The following CUL2 variants were observed in gnomAD, a reference collection of about 807,000 sequenced individuals.
CUL2 encodes cullin-2.
A neutral mutation model predicts 110.2 loss-of-function variants in CUL2; 22 were observed. The observed-to-expected ratio is 0.20, with a 90% CI of 0.14 to 0.28. The LOEUF is 0.28. CUL2 is among the 10% of genes least tolerant of loss of function. CUL2 has a pLI of 1.00. For missense variants in CUL2, 631 were observed against 905.5 expected (o/e 0.70, Z 3.89); for synonymous variants, 279 against 293.2 (o/e 0.95, Z 0.49).
At chr10:35,122,391 G>T (rs1020339226) in intron 1 of CUL2, among the ~76,000 whole-genome samples, 1 of 152,170 alleles carries the variant, frequency 6.6e-6, no homozygotes, top group African/African-American at 2.4e-5. Flanking sequence ...GCCAAAGGAC[G>T]TTTTGAAACC....
At chr10:35,038,207 A>G (rs2085677944) in intron 9 of CUL2, among the ~76,000 whole-genome samples, 1 of 151,138 alleles carries the variant, frequency 6.6e-6, no homozygotes, top group African/African-American at 2.4e-5. Context: ...TGCCTATAAA[A>G]GTAATGCATG....
intron 17 of CUL2, among the ~76,000 whole-genome samples, chr10:35,020,553 C>A (rs2085156616): frequency 6.6e-6 from 1 of 152,186 alleles, no homozygotes; most frequent in Non-Finnish European, 1.5e-5. Context: ...GTAGGGTTCA[C>A]AAAATTCTAG....
rs572275724 is a variant in CUL2, at chr10:35,028,819, A to G, written c.1608T>C (p.Ser536=). ...TTTCCTGCAAACTTACCATCTGTACACTTTTTTCTAATTCCTGGGGAATTG... is the reference window on the plus strand; with the variant it reads ...TTTCCTGCAAACTTACCATCTGTACGCTTTTTTCTAATTCCTGGGGAATTG... ...TFAIPQELEK[S]VQMFELFYSQ... The change falls in exon 16 of 21, where the codon AGT becomes AGC. Residue 536 remains serine, a synonymous_variant. Transcript: ENST00000374749. 5 of 1,608,938 alleles carry G rather than the reference A, an allele frequency of 3.1e-6. No individual in the cohort carries two copies. The highest frequency in any genetic ancestry group is 2.2e-5 in the South Asian group (2 of 90,728).
In CUL2 at chr10:35,098,797, G is replaced by A. The variant is rs113468459; in HGVS notation, c.167+2047C>T. Among the ~76,000 whole-genome samples, 587 of 152,224 alleles carry A rather than the reference G, an allele frequency of 3.9e-3. 6 individuals are homozygous for A. The highest frequency in any genetic ancestry group is 0.013 in the African/African-American group (539 of 41,536). On this transcript the variant is annotated intron_variant, in intron 2 of 5. Transcript: ENST00000685421. ...AAAAACCAAAAAATTAGCTGGGCACGGTGGCAGGCGCCTGTAATCCCAGTT... is the reference window on the plus strand; with the variant it reads ...AAAAACCAAAAAATTAGCTGGGCACAGTGGCAGGCGCCTGTAATCCCAGTT...
chr10:35,077,836 G>T (rs2086858756), intron 1 of CUL2, among the ~76,000 whole-genome samples: 2 of 149,464 alleles, frequency 1.3e-5, no homozygotes, highest in South Asian at 2.1e-4. Flanking sequence ...AAAAAGAAAA[G>T]AAATAAAAAT....
At chr10:35,087,540 C>T (rs959409243) in intron 1 of CUL2, among the ~76,000 whole-genome samples, 6 of 152,214 alleles carry the variant, frequency 3.9e-5, no homozygotes, top group South Asian at 2.1e-4. Flanking sequence ...ACTTGAACAA[C>T]GAAATCCAAC....
chr10:35,094,118 A>G (rs2087257158), upstream of CUL2, among the ~76,000 whole-genome samples: 1 of 152,202 alleles, frequency 6.6e-6, no homozygotes, highest in Admixed American at 6.6e-5. Flanking sequence ...ACCATGAGCC[A>G]ATTAAACCTC....
Position 35,056,562 on chromosome 10 carries a change from T to C in CUL2, c.318-2023A>G, listed in dbSNP as rs1256342685. On this transcript the variant is annotated intron_variant, in intron 4 of 20. Coordinates refer to ENST00000374749, the MANE Select transcript of CUL2 (RefSeq NM_003591.4). Reference sequence around the variant, plus strand: ...CTCAGGAGAGGTCTTCCACTCCCATTCAACATCGGCTGAGGGTATATCGTG... The same window carrying C: ...CTCAGGAGAGGTCTTCCACTCCCATCCAACATCGGCTGAGGGTATATCGTG... Among the ~76,000 whole-genome samples, 3 of 151,904 alleles carry C rather than the reference T, an allele frequency of 2.0e-5. No homozygotes were observed. In the East Asian group the frequency reaches 5.8e-4, roughly 29 times the overall value.
intron 6 of CUL2, among the ~76,000 whole-genome samples, chr10:35,049,107 A>T (rs2086024513): frequency 6.6e-6 from 1 of 152,220 alleles, no homozygotes; most frequent in African/African-American, 2.4e-5. Flanking sequence ...TAATCCAAGG[A>T]TGTTCTATTC....
At chr10:35,040,579 CTG>C (rs1195254551) in intron 8 of CUL2, among the ~76,000 whole-genome samples, 3 of 152,164 alleles carry the variant, frequency 2.0e-5, no homozygotes, top group Admixed American at 6.5e-5. Flanking sequence ...TCCCACAGTC[CTG>C]TCTTTCCTAT....
chr10:35,044,708 A>C (rs2085890039), intron 7 of CUL2, 32 bp from the exon 8 acceptor site: 1 of 1,586,330 alleles, frequency 6.3e-7, no homozygotes, highest in Non-Finnish European at 8.6e-7. Flanking sequence ...TATTAGAAGA[A>C]ATTAGAACAA....
intron 3 of CUL2, among the ~76,000 whole-genome samples, chr10:35,061,787 T>G (rs932142526): frequency 6.6e-5 from 10 of 150,470 alleles, no homozygotes; most frequent in Non-Finnish European, 1.0e-4. Context: ...TTTTTTTTTT[T>G]GGTACAGGTA....
intron 1 of CUL2, among the ~76,000 whole-genome samples, chr10:35,086,486 CA>C (rs1285464375): frequency 6.6e-6 from 1 of 151,952 alleles, no homozygotes; most frequent in Non-Finnish European, 1.5e-5. Context: ...CAGGGTTCGC[CA>C]TGTTGCCCAA....
At chr10:35,105,559 T>A (rs532254809) in intron 1 of CUL2, among the ~76,000 whole-genome samples, 23 of 149,760 alleles carry the variant, frequency 1.5e-4, no homozygotes, top group African/African-American at 4.9e-4. Flanking sequence ...TACAAAAAAA[T>A]TTGCCGGGTG....
At chr10:35,017,115 T>A (rs779264469) in intron 17 of CUL2, among the ~76,000 whole-genome samples, 1 of 151,926 alleles carries the variant, frequency 6.6e-6, no homozygotes, top group Non-Finnish European at 1.5e-5. Context: ...CTCTCCCAGG[T>A]AAGGTTCAAG....
At chr10:35,122,694 G>A (rs531660591) in intron 1 of CUL2, among the ~76,000 whole-genome samples, 137 of 152,210 alleles carry the variant, frequency 9.0e-4, no homozygotes, top group African/African-American at 3.0e-3. Context: ...CTGGAGTGCA[G>A]TGGCACAATC....
chr10:35,125,990 T>C (rs1382249599), intron 1 of CUL2, among the ~76,000 whole-genome samples: 1 of 152,132 alleles, frequency 6.6e-6, no homozygotes. Flanking sequence ...CCACCACTCC[T>C]AGCTAATTTT....
chr10:35,084,425 C>A (rs1443295012), intron 1 of CUL2, among the ~76,000 whole-genome samples: 3 of 152,202 alleles, frequency 2.0e-5, no homozygotes, highest in African/African-American at 4.8e-5. Context: ...AGATCCAACA[C>A]CACAATCTTA....
At chr10:35,074,669 A>G (rs2086767980) in intron 1 of CUL2, among the ~76,000 whole-genome samples, 1 of 152,168 alleles carries the variant, frequency 6.6e-6, no homozygotes, top group Admixed American at 6.5e-5. Flanking sequence ...TATTGTTAAT[A>G]GAGACAGGGT....
Sources: allele counts gnomAD v4.1 joint callset (sites outside exome capture counted in the v4.1 genomes callset), GRCh38; gene constraint gnomAD v4.1.1; transcripts MANE v1.5; gene names NCBI Gene and HGNC (gene_info 2026-07-23, HGNC 2026-07-21).